KCNJ6: variants seen among roughly 807,000 people sequenced by gnomAD.
KCNJ6 encodes G protein-activated inward rectifier potassium channel 2.
Under a neutral mutation model 34.2 loss-of-function variants are expected in KCNJ6, and 9 were observed. The ratio of observed to expected loss-of-function variants is 0.26; its 90% confidence interval spans 0.16 to 0.46. The LOEUF (loss-of-function observed/expected upper bound fraction) is 0.46, where lower values mean the gene tolerates loss of function less well. Ranked by LOEUF, KCNJ6 falls within the 20% of genes least tolerant of loss-of-function variation. The probability of loss-of-function intolerance (pLI) is 1.00; values close to 1 mark genes in which losing one functional copy is unlikely to be tolerated. For synonymous variants in KCNJ6, 196 were observed against 207.1 expected, an observed-to-expected ratio of 0.95 and a Z score of 0.46; for missense variants, 236 against 531.3, an observed-to-expected ratio of 0.44 and a Z score of 5.46.
chr21:37,775,385 T>C (rs1212565513), intron 2 of KCNJ6, among the ~76,000 whole-genome samples: 1 of 152,248 alleles, frequency 6.6e-6, no homozygotes, highest in Non-Finnish European at 1.5e-5. Flanking sequence ...CTGGCTTTTG[T>C]TGCCATTGCT....
chr21:37,803,419 G>A (rs2055279035), intron 2 of KCNJ6, among the ~76,000 whole-genome samples: 1 of 152,208 alleles, frequency 6.6e-6, no homozygotes, highest in Non-Finnish European at 1.5e-5. Context: ...CTGTGGTGAT[G>A]CTGGGGCTGG....
intron 3 of KCNJ6, among the ~76,000 whole-genome samples, chr21:37,673,859 C>A (rs2054552674): frequency 6.6e-6 from 1 of 152,144 alleles, no homozygotes; most frequent in South Asian, 2.1e-4. Context: ...TGGGGCTCAT[C>A]CTGGCTGCAC....
At chr21:37,767,668 G>T (rs1385856850) in intron 2 of KCNJ6, among the ~76,000 whole-genome samples, 1 of 152,176 alleles carries the variant, frequency 6.6e-6, no homozygotes, top group Admixed American at 6.5e-5. Flanking sequence ...AATTTAAAAT[G>T]ATTTAAGACT....
At position 37,624,809 on chromosome 21, in the gene KCNJ6, G is replaced by A. The variant is rs918653737; in HGVS notation, c.*350C>T. 2 of 220,608 alleles carry A rather than the reference G, an allele frequency of 9.1e-6. No individual in the cohort carries two copies. Among genetic ancestry groups the A allele is most frequent in the Non-Finnish European group, 1.8e-5 (2 of 112,122 alleles). 13.7% of individuals were successfully genotyped at this position (220,608 alleles called of 1,614,324 possible). On this transcript the variant is annotated 3_prime_UTR_variant, in exon 4 of 4. Coordinates refer to ENST00000609713, the MANE Select transcript of KCNJ6 (RefSeq NM_002240.5). ...CAGAAACCTTGCTTGTCATATCCCA[G>A]GTAAAATCTTTGACACACCTTTTTG...
intron 1 of KCNJ6, among the ~76,000 whole-genome samples, chr21:37,853,846 G>GTATATATATATATATATATACATATA (rs144698876): frequency 8.6e-6 from 1 of 115,992 alleles, no homozygotes; most frequent in Admixed American, 8.7e-5. Context: ...ATATATATAT[G>GTATATATATATATATATATACATATA]TATATATATA....
intron 1 of KCNJ6, among the ~76,000 whole-genome samples, chr21:37,887,529 A>G (rs1672976750): frequency 2.0e-5 from 3 of 152,236 alleles, no homozygotes; most frequent in African/African-American, 7.2e-5. Context: ...GATAAAAGCC[A>G]GAAATAACAG....
At chr21:37,770,449 T>C (rs1440991792) in intron 2 of KCNJ6, among the ~76,000 whole-genome samples, 1 of 152,000 alleles carries the variant, frequency 6.6e-6, no homozygotes, top group Non-Finnish European at 1.5e-5. Flanking sequence ...CCACTTGAGG[T>C]GATTGATCCT....
chr21:37,811,315 G>T (rs377687342), intron 2 of KCNJ6, among the ~76,000 whole-genome samples: 28 of 152,284 alleles, frequency 1.8e-4, no homozygotes, highest in East Asian at 1.7e-3. Context: ...TTTTCCTGAG[G>T]ACTGTGAGCC....
intron 2 of KCNJ6, among the ~76,000 whole-genome samples, chr21:37,716,879 T>G (rs936152718): frequency 2.0e-5 from 3 of 152,222 alleles, no homozygotes; most frequent in Non-Finnish European, 2.9e-5. Context: ...GGTAAGAAAT[T>G]TCTTCCTCCA....
intron 2 of KCNJ6, among the ~76,000 whole-genome samples, chr21:37,818,193 CGTGTGTGTGT>C (rs200661921): frequency 1.0e-5 from 1 of 97,274 alleles, no homozygotes; most frequent in Non-Finnish European, 2.0e-5. Context: ...CTTAAAAGTG[CGTGTGTGTGT>C]GTGCGTGCGT....
In KCNJ6 at chr21:37,608,349, G is replaced by A. The variant is rs1330366968; in HGVS notation, c.*16810C>T. The A allele has an allele frequency of 6.6e-6, 1 of 152,068 alleles. No homozygotes were observed. The highest frequency in any genetic ancestry group is 2.4e-5 in the African/African-American group (1 of 41,380). 9.4% of individuals were successfully genotyped at this position (152,068 alleles called of 1,614,324 possible). On this transcript the variant is annotated 3_prime_UTR_variant, in exon 4 of 4. Transcript: ENST00000609713. Reference sequence around the variant, plus strand: ...CTCTCTCTTTTTAAAATAGAGATGGGGTCTTGCTGTGTTGCACAGGCTAAT... The same window carrying A: ...CTCTCTCTTTTTAAAATAGAGATGGAGTCTTGCTGTGTTGCACAGGCTAAT...
chr21:37,659,545 G>A (rs1458555027), intron 3 of KCNJ6, among the ~76,000 whole-genome samples: 1 of 152,236 alleles, frequency 6.6e-6, no homozygotes, highest in Non-Finnish European at 1.5e-5. Flanking sequence ...CTAAAAGAGG[G>A]AAGGGCAGAG....
chr21:37,642,313 G>A (rs1485348596), intron 3 of KCNJ6, among the ~76,000 whole-genome samples: 3 of 152,158 alleles, frequency 2.0e-5, no homozygotes, highest in African/African-American at 4.8e-5. Flanking sequence ...GAAGGGGGAT[G>A]AGCCTGTCCA....
rs1055355612 is a variant in KCNJ6 at position 37,649,902 on chromosome 21, C to T, written c.947-24418G>A. Among the ~76,000 whole-genome samples the T allele has an allele frequency of 8.7e-5, 13 of 149,048 alleles. 1 individual carries two copies. The highest frequency in any genetic ancestry group is 1.7e-4 in the African/African-American group (7 of 40,448). ...CCAAGTAGCTGGGACTACAGACGCC[C>T]GCCACCACACCCAGCTAATTTTTTT... On this transcript the variant is annotated intron_variant, in intron 3 of 3. Coordinates refer to ENST00000609713, the MANE Select transcript of KCNJ6 (RefSeq NM_002240.5).
intron 2 of KCNJ6, among the ~76,000 whole-genome samples, chr21:37,826,611 TA>T (rs5843867): frequency 0.28 from 40,921 of 147,012 alleles, 7,567 homozygotes; most frequent in African/African-American, 0.52. Context: ...TCCAATTTAT[TA>T]AAAAAAAAAA....
chr21:37,780,841 TA>T (rs2055165875), intron 2 of KCNJ6, among the ~76,000 whole-genome samples: 1 of 152,172 alleles, frequency 6.6e-6, no homozygotes, highest in South Asian at 2.1e-4. Context: ...ATGTACCCTA[TA>T]CATATATATA....
intron 2 of KCNJ6, among the ~76,000 whole-genome samples, chr21:37,814,528 C>A (rs1386463462): frequency 1.3e-5 from 2 of 152,162 alleles, no homozygotes; most frequent in Non-Finnish European, 2.9e-5. Context: ...TTGGAAACAA[C>A]CTAAATGTCT....
intron 2 of KCNJ6, among the ~76,000 whole-genome samples, chr21:37,763,208 C>T (rs2055074461): frequency 6.6e-6 from 1 of 152,198 alleles, no homozygotes; most frequent in African/African-American, 2.4e-5. Context: ...GCAGCAGCTC[C>T]CACCTTGTCC....
intron 3 of KCNJ6, among the ~76,000 whole-genome samples, chr21:37,637,495 G>GA (rs1291446483): frequency 2.0e-5 from 3 of 152,200 alleles, no homozygotes; most frequent in Admixed American, 6.5e-5. Context: ...AATTAAGTAA[G>GA]AAATGTTATT....
Sources: gnomAD v4.1 joint callset for allele counts (sites outside exome capture counted in the v4.1 genomes callset) on GRCh38, gnomAD v4.1.1 for gene constraint, MANE v1.5 for transcripts, NCBI Gene and HGNC (gene_info 2026-07-23, HGNC 2026-07-21) for gene names.